NRXN1: variants seen among roughly 807,000 people sequenced by gnomAD.
NRXN1 encodes the protein neurexin-1.
In NRXN1, 39 loss-of-function variants were observed where a neutral mutation model predicts 150.9. That is an observed-to-expected ratio of 0.26 (90% CI 0.20 to 0.34). The LOEUF (loss-of-function observed/expected upper bound fraction) is 0.34, where lower values mean the gene tolerates loss of function less well. Among genes scored for constraint, NRXN1 ranks in the 10% least tolerant of loss-of-function variants. NRXN1 has a pLI of 1.00. For missense variants in NRXN1, 1,815 were observed against 1,949.9 expected (o/e 0.93, Z 1.30); for synonymous variants, 924 against 757.0 (o/e 1.22, Z -3.62).
chr2:50,761,311 G>C (rs904471432), intron 5 of NRXN1, among the ~76,000 whole-genome samples: 7 of 151,908 alleles, frequency 4.6e-5, no homozygotes, highest in African/African-American at 1.7e-4. Context: ...CTCATGAGTG[G>C]TGGGAGGGAC....
intron 21 of NRXN1, among the ~76,000 whole-genome samples, chr2:50,010,312 C>G (rs562776230): frequency 6.6e-6 from 1 of 152,228 alleles, no homozygotes; most frequent in South Asian, 2.1e-4. Flanking sequence ...GAAATACTGG[C>G]TACCATAAAC....
At chr2:50,485,517 A>G (rs1013261165) in intron 15 of NRXN1, among the ~76,000 whole-genome samples, 2 of 152,186 alleles carry the variant, frequency 1.3e-5, no homozygotes, top group African/African-American at 4.8e-5. Context: ...GGCACCCGAC[A>G]CGCTGAGAAA....
chr2:50,027,302 T>C (rs1688486976), intron 21 of NRXN1, among the ~76,000 whole-genome samples: 1 of 148,816 alleles, frequency 6.7e-6, no homozygotes, highest in African/African-American at 2.5e-5. Context: ...CTCCCTTCCT[T>C]CCTTCTCCTT....
intron 2 of NRXN1, among the ~76,000 whole-genome samples, chr2:50,961,831 C>A (rs1442424537): frequency 1.3e-5 from 2 of 151,522 alleles, no homozygotes; most frequent in East Asian, 3.9e-4. Flanking sequence ...ATAATATTAT[C>A]ATTTGTATAT....
At chr2:50,518,108 C>T (rs535193193) in intron 12 of NRXN1, among the ~76,000 whole-genome samples, 7 of 151,800 alleles carry the variant, frequency 4.6e-5, no homozygotes, top group South Asian at 4.2e-4. Context: ...TATTTCAATG[C>T]GAAAAACATA....
At chr2:50,923,032 C>T (rs1159514124) in intron 3 of NRXN1, among the ~76,000 whole-genome samples, 1 of 151,714 alleles carries the variant, frequency 6.6e-6, no homozygotes, top group Non-Finnish European at 1.5e-5. Flanking sequence ...TGCATATTGC[C>T]CCCACAGGGC....
At chr2:50,849,418 C>G (rs528444828) in intron 5 of NRXN1, among the ~76,000 whole-genome samples, 1 of 152,184 alleles carries the variant, frequency 6.6e-6, no homozygotes. Flanking sequence ...GAAATAAAAT[C>G]TTCAGGAATG....
chr2:50,481,917 C>T lies in NRXN1; in HGVS notation c.3071-9446G>A, dbSNP rs558744326. Among the ~76,000 whole-genome samples, 20 of 145,620 alleles carry T rather than the reference C, an allele frequency of 1.4e-4. No homozygotes were observed. The East Asian group carries it at 3.1e-3, about 23-fold the overall frequency. ...AGTAGCTGGGACTACAGGCGCCCGC[C>T]ACTACGCCCGGCTAATTTTTTTTTG... is the stretch of plus-strand genomic sequence containing the variant. On this transcript the variant is annotated intron_variant, in intron 15 of 22. Transcript: ENST00000401669.
At chr2:50,697,037 A>C (rs1421391702) in intron 5 of NRXN1, among the ~76,000 whole-genome samples, 1 of 152,162 alleles carries the variant, frequency 6.6e-6, no homozygotes, top group Non-Finnish European at 1.5e-5. Flanking sequence ...AAGCTGGGTC[A>C]TACACAAACG....
chr2:50,632,408 G>C (rs1314534084), intron 5 of NRXN1: 1 of 152,038 alleles, frequency 6.6e-6, no homozygotes, highest in Non-Finnish European at 1.5e-5. Context: ...GAAGAAGAAA[G>C]AGTTGGTGAA....
intron 8 of NRXN1, among the ~76,000 whole-genome samples, chr2:50,598,711 T>TATATGTATATATAC (rs202238419): frequency 0.017 from 2,515 of 147,398 alleles, 76 homozygotes; most frequent in East Asian, 0.12. Flanking sequence ...TATATACATA[T>TATATGTATATATAC]ATATGTATAT....
At chr2:50,834,908 C>T (rs571160646) in intron 5 of NRXN1, among the ~76,000 whole-genome samples, 5 of 152,134 alleles carry the variant, frequency 3.3e-5, no homozygotes, top group Non-Finnish European at 5.9e-5. Flanking sequence ...AGCTTTAACA[C>T]TTGAATGCAG....
chr2:50,196,005 G>GC (rs1247188606), intron 18 of NRXN1, among the ~76,000 whole-genome samples: 2 of 151,724 alleles, frequency 1.3e-5, no homozygotes, highest in African/African-American at 4.8e-5. Flanking sequence ...ACATGCACAG[G>GC]ATGTGCAGGT....
intron 21 of NRXN1, among the ~76,000 whole-genome samples, chr2:50,012,680 T>C (rs1417905723): frequency 1.3e-5 from 2 of 152,154 alleles, no homozygotes; most frequent in Admixed American, 1.3e-4. Flanking sequence ...ATTTATTTAC[T>C]CACTGAATAA....
intron 7 of NRXN1, 85 bp from the exon 8 acceptor site, chr2:50,620,268 T>C: frequency 7.2e-7 from 1 of 1,388,098 alleles, no homozygotes; most frequent in Non-Finnish European, 9.7e-7. Context: ...TGTGTTTTGC[T>C]TTTGTTTTTT....
intron 5 of NRXN1, among the ~76,000 whole-genome samples, chr2:50,722,797 C>T (rs1486094304): frequency 6.6e-6 from 1 of 152,058 alleles, no homozygotes; most frequent in Non-Finnish European, 1.5e-5. Flanking sequence ...AAGTAAAATT[C>T]CTAACACACT....
At chr2:50,269,855 A>C (rs1409566617) in intron 17 of NRXN1, among the ~76,000 whole-genome samples, 1 of 152,118 alleles carries the variant, frequency 6.6e-6, no homozygotes, top group African/African-American at 2.4e-5. Flanking sequence ...TTGGGAAAAG[A>C]CTCGTTCCTT....
chr2:50,818,636 C>A (rs147689940), intron 5 of NRXN1, among the ~76,000 whole-genome samples: 2 of 151,526 alleles, frequency 1.3e-5, no homozygotes, highest in Non-Finnish European at 2.9e-5. Context: ...TTCCTGAATA[C>A]GACACCAAAA....
At chr2:50,594,994 C>A (rs12476057) in intron 8 of NRXN1, among the ~76,000 whole-genome samples, 6 of 149,540 alleles carry the variant, frequency 4.0e-5, no homozygotes, top group Admixed American at 6.6e-5. Flanking sequence ...GTTGACCTCT[C>A]TTCTTAAAAA....
Sources: gnomAD v4.1 joint callset for allele counts (sites outside exome capture counted in the v4.1 genomes callset) on GRCh38, gnomAD v4.1.1 for gene constraint, MANE v1.5 for transcripts, NCBI Gene and HGNC (gene_info 2026-07-23, HGNC 2026-07-21) for gene names.